Variants in CFAP221 observed in about 807,000 individuals in gnomAD.
CFAP221 encodes the protein cilia- and flagella-associated protein 221.
Under a neutral mutation model 113.1 loss-of-function variants are expected in CFAP221, and 97 were observed. That is an observed-to-expected ratio of 0.86 (90% confidence interval 0.73 to 1.02). The LOEUF (loss-of-function observed/expected upper bound fraction) is 1.02. Ranked by LOEUF, CFAP221 falls within the 50% of genes least tolerant of loss-of-function variation. CFAP221 has a pLI of 0.00. For missense variants in CFAP221, 1,025 were observed against 1,013.4 expected (o/e 1.01, Z -0.16); for synonymous variants, 331 against 354.4 (o/e 0.93, Z 0.74).
chr2:119,608,162 C>T (rs746530724), intron 11 of CFAP221, among the ~76,000 whole-genome samples: 10 of 152,128 alleles, frequency 6.6e-5, no homozygotes, highest in Non-Finnish European at 1.5e-4. Context: ...CTCAGCAATA[C>T]CCGTTATTTT....
intron 13 of CFAP221, among the ~76,000 whole-genome samples, chr2:119,613,166 C>T (rs1281485218): frequency 1.3e-5 from 2 of 152,242 alleles, no homozygotes; most frequent in Admixed American, 6.5e-5. Context: ...GACTGCTTTG[C>T]TCCTGTGGCT....
chr2:119,630,610 C>G lies in CFAP221; in HGVS notation c.1772C>G (p.Ser591Cys), dbSNP rs751345341. 2.2e-5 allele frequency: 35 copies of G among 1,613,798 alleles called. No homozygotes were observed. The highest frequency in any genetic ancestry group is 2.5e-5 in the Non-Finnish European group (29 of 1,179,778). ...LYKIKRYQPF[S>C]VHKSSTSYRP... ...AAAATTAAGAGATATCAGCCATTCT[C>G]TGTCCACAAGTCTTCAACAAGTTAC... The change falls in exon 18 of 24, where the codon TCT becomes TGT. Residue 591 changes from serine (S) to cysteine (C), a missense_variant. Transcript: ENST00000413369.
At chr2:119,563,295 G>C (rs186592785) in intron 6 of CFAP221, among the ~76,000 whole-genome samples, 57 of 152,246 alleles carry the variant, frequency 3.7e-4, no homozygotes, top group Non-Finnish European at 6.0e-4. Context: ...GTATAGTTTA[G>C]GTAATAATGA....
At chr2:119,559,626 A>G in intron 3 of CFAP221, 63 bp from the exon 4 acceptor site, 1 of 1,334,434 alleles carries the variant, frequency 7.5e-7, no homozygotes, top group African/African-American at 1.5e-5. Context: ...AAGTCTACAT[A>G]AATGAGGTGA....
chr2:119,629,999 G>A, intron 17 of CFAP221, 44 bp downstream of exon 17: 2 of 1,482,874 alleles, frequency 1.3e-6, no homozygotes, highest in Non-Finnish European at 1.9e-6. Flanking sequence ...TTCTTATTAA[G>A]TAAACAAAAT....
chr2:119,604,005 A>G (rs1451957797), intron 8 of CFAP221, among the ~76,000 whole-genome samples: 2 of 152,338 alleles, frequency 1.3e-5, no homozygotes, highest in Admixed American at 6.5e-5. Context: ...GCTACAAACA[A>G]TTGGCATAAT....
chr2:119,628,066 C>T (rs1915837), intron 16 of CFAP221, among the ~76,000 whole-genome samples: 107,683 of 152,012 alleles, frequency 0.71, 40,431 homozygotes, highest in South Asian at 0.84. Context: ...CCTGGAACTG[C>T]GCCTGAGTGC....
At chr2:119,565,205 C>T (rs1253625351) in intron 6 of CFAP221, among the ~76,000 whole-genome samples, 1 of 152,146 alleles carries the variant, frequency 6.6e-6, no homozygotes, top group Non-Finnish European at 1.5e-5. Context: ...CACTCCTCCT[C>T]AGTATTAAAT....
intron 6 of CFAP221, among the ~76,000 whole-genome samples, chr2:119,563,221 A>G (rs893845422): frequency 1.3e-5 from 2 of 152,196 alleles, no homozygotes; most frequent in African/African-American, 4.8e-5. Flanking sequence ...GTGTACTTCA[A>G]ATCATCTCTA....
chr2:119,563,926 A>G (rs1271505095), intron 6 of CFAP221, among the ~76,000 whole-genome samples: 1 of 152,216 alleles, frequency 6.6e-6, no homozygotes, highest in Non-Finnish European at 1.5e-5. Context: ...AGCAGAGAGC[A>G]TGGACTCCAT....
chr2:119,611,713 C>T lies in CFAP221; in HGVS notation c.1282C>T (p.His428Tyr), dbSNP rs773426086. ...EFQRLKTEVS[H>Y]KRVVRNQEEK... Reference sequence around the variant, plus strand: ...TCAGCGACTTAAAACAGAAGTTAGCCATAAACGGGTTGTTCGCAATCAAGA... The same window carrying T: ...TCAGCGACTTAAAACAGAAGTTAGCTATAAACGGGTTGTTCGCAATCAAGA... Residue 428 changes from histidine (H) to tyrosine (Y), a missense_variant, in exon 13 of 24, where the codon CAT (histidine) becomes TAT (tyrosine). By Grantham distance (83) the His-to-Tyr change is moderately conservative. Transcript: ENST00000413369. 7.4e-6 allele frequency: 12 copies of T among 1,613,846 alleles called. No homozygotes were observed. In the South Asian group the frequency reaches 8.8e-5, roughly 12 times the overall value.
intron 3 of CFAP221, among the ~76,000 whole-genome samples, chr2:119,559,417 G>A (rs1681057400): frequency 6.9e-6 from 1 of 145,002 alleles, no homozygotes; most frequent in Admixed American, 6.8e-5. Flanking sequence ...GGCCCTAAAG[G>A]ATGCTAAGTC....
intron 19 of CFAP221, among the ~76,000 whole-genome samples, chr2:119,636,967 A>G (rs569912884): frequency 2.0e-5 from 3 of 152,234 alleles, no homozygotes; most frequent in Admixed American, 1.3e-4. Flanking sequence ...ACATGCCCTC[A>G]GTCAACCAGA....
intron 16 of CFAP221, among the ~76,000 whole-genome samples, chr2:119,628,283 TCTCTCTG>T (rs1686489839): frequency 2.2e-5 from 1 of 44,954 alleles, no homozygotes; most frequent in Non-Finnish European, 5.0e-5. Flanking sequence ...TCTCTCTCTC[TCTCTCTG>T]GGGGGTGTGT....
At chr2:119,633,807 A>C (rs1041758556) in intron 19 of CFAP221, among the ~76,000 whole-genome samples, 2 of 152,268 alleles carry the variant, frequency 1.3e-5, no homozygotes, top group Admixed American at 1.3e-4. Flanking sequence ...CTATTATCAA[A>C]AAAATAAAAC....
chr2:119,656,233 TG>T, intron 23 of CFAP221, 128 bp from the exon 24 acceptor site: 1 of 665,452 alleles, frequency 1.5e-6, no homozygotes, highest in Non-Finnish European at 2.7e-6. Flanking sequence ...TCACTAACTG[TG>T]GTGAAAACCT....
chr2:119,638,203 T>C, intron 19 of CFAP221, 56 bp from the exon 20 acceptor site: 1 of 1,577,062 alleles, frequency 6.3e-7, no homozygotes, highest in East Asian at 2.2e-5. Context: ...GCCTGTCCTA[T>C]GCCTGGCTTA....
Position 119,652,066 on chromosome 2 carries a change from A to T in CFAP221, c.2411A>T (p.Glu804Val). ...PMLNYKDIRKEKEVKDQAQPA... is the reference protein window; with the variant it reads ...PMLNYKDIRKVKEVKDQAQPA... ...TTGAACTACAAGGACATCAGGAAGG[A>T]GAAGTAAGTGGATGCTTTTATGCCT... The change falls in exon 23 of 24, where the codon GAG becomes GTG. Residue 804 changes from glutamate (E) to valine (V), a missense_variant. Coordinates refer to ENST00000413369, the MANE Select transcript of CFAP221 (RefSeq NM_001271049.2). 2 of 1,608,868 alleles carry T rather than the reference A, an allele frequency of 1.2e-6. No homozygotes were observed. Among genetic ancestry groups the T allele is most frequent in the South Asian group, 2.2e-5 (2 of 90,682 alleles).
rs1029335883 is a variant in CFAP221, at chr2:119,605,391, A to G, written c.1133+102A>G. The G allele has an allele frequency of 2.7e-5, 24 of 895,126 alleles. No individual in the cohort carries two copies. In the African/African-American group the frequency reaches 3.9e-4, roughly 14 times the overall value. The allele number at this position is 895,126 out of a possible 1,614,324, so 55.4% of individuals were successfully genotyped here. The stretch of plus-strand genomic sequence containing the variant: ...AGTAAAATGTAATAACCTTTTAGGT[A>G]CTTTGGAGAATTTAATGATTGTTTC... On this transcript the variant is annotated intron_variant, in intron 11 of 23. Coordinates refer to ENST00000413369, the MANE Select transcript of CFAP221 (RefSeq NM_001271049.2).
Sources: allele counts gnomAD v4.1 joint callset (sites outside exome capture counted in the v4.1 genomes callset), GRCh38; gene constraint gnomAD v4.1.1; transcripts MANE v1.5; gene names NCBI Gene and HGNC (gene_info 2026-07-23, HGNC 2026-07-21).